The following TAF12 variants were observed in gnomAD, a reference collection of about 807,000 sequenced individuals.
TAF12 encodes the protein TATA-box binding protein associated factor 12, also known as transcription initiation factor TFIID subunit 12.
Under a neutral mutation model 20.8 loss-of-function variants are expected in TAF12, and 3 were observed. That is an observed-to-expected ratio of 0.14 (90% CI 0.07 to 0.37). The LOEUF (loss-of-function observed/expected upper bound fraction) is 0.37. Ranked by LOEUF, TAF12 falls within the 10% of genes least tolerant of loss-of-function variation. The pLI, the probability that TAF12 is intolerant of heterozygous loss-of-function variation, is 1.00. For synonymous variants in TAF12, 69 were observed against 70.2 expected (o/e 0.98, Z 0.09); for missense variants, 131 against 197.9 (o/e 0.66, Z 2.03).
chr1:28,605,752 A>C (rs941261422), intron 4 of TAF12, among the ~76,000 whole-genome samples: 15 of 152,188 alleles, frequency 9.9e-5, no homozygotes, highest in African/African-American at 3.6e-4. Flanking sequence ...TGGCCTCCCA[A>C]GTAGCTGGGA....
chr1:28,644,295 A>G (rs972239229), upstream of TAF12, among the ~76,000 whole-genome samples: 3 of 152,032 alleles, frequency 2.0e-5, no homozygotes, highest in Non-Finnish European at 4.4e-5. Flanking sequence ...TCATCCTACC[A>G]CGTTCCCAGT....
chr1:28,645,548 T>C (rs997291844), upstream of TAF12, among the ~76,000 whole-genome samples: 1 of 151,874 alleles, frequency 6.6e-6, no homozygotes, highest in Non-Finnish European at 1.5e-5. Flanking sequence ...CTCAGGAGGC[T>C]GCGGAAGGAG....
At chr1:28,630,661 T>C (rs911588192) in intron 1 of TAF12, among the ~76,000 whole-genome samples, 4 of 151,974 alleles carry the variant, frequency 2.6e-5, no homozygotes, top group African/African-American at 9.7e-5. Flanking sequence ...AGTTCTTAGA[T>C]ACAATATCAA....
Position 28,640,063 on chromosome 1 carries a change from G to A in TAF12, c.-85+2929C>T, listed in dbSNP as rs533896309. Among the ~76,000 whole-genome samples, 5 of 152,194 alleles carry A rather than the reference G, an allele frequency of 3.3e-5. No homozygotes were observed. In the East Asian group the frequency reaches 7.7e-4, roughly 24 times the overall value. On this transcript the variant is annotated intron_variant, in intron 1 of 5. Coordinates refer to ENST00000373824, the MANE Select transcript of TAF12 (RefSeq NM_005644.4). ...TTGCCATGTTGGCCAGGCGGGTCTC[G>A]AACTCCTGATCTCAGGTGACCCGCC...
intron 4 of TAF12, among the ~76,000 whole-genome samples, chr1:28,605,906 T>C (rs971114679): frequency 3.3e-5 from 5 of 152,222 alleles, no homozygotes; most frequent in African/African-American, 4.8e-5. Context: ...ACATTGAATA[T>C]GCCACAGGCT....
chr1:28,613,195 G>T, intron 4 of TAF12, 52 bp downstream of exon 4: 2 of 1,486,384 alleles, frequency 1.3e-6, no homozygotes, highest in Non-Finnish European at 9.2e-7. Flanking sequence ...TTCCCTGGCA[G>T]TCCTGAAGAA....
chr1:28,612,782 G>GA lies in TAF12; in HGVS notation c.361+464dup, dbSNP rs551826635. 2.8e-3 allele frequency among the ~76,000 whole-genome samples: 422 copies of GA among 151,906 alleles called. 1 individual carries two copies. Among genetic ancestry groups the GA allele is most frequent in the African/African-American group, 9.9e-3 (409 of 41,432 alleles). ...ATGTATATTACGATTATAAACTTTGGAAAAAATGCATAAATAGGCTAAAAC... is the reference window on the plus strand; with the variant it reads ...ATGTATATTACGATTATAAACTTTGGAAAAAAATGCATAAATAGGCTAAAAC... On this transcript the variant is annotated intron_variant, in intron 4 of 5. Transcript: ENST00000373824.
chr1:28,628,490 T>C (rs1221774434), intron 1 of TAF12, among the ~76,000 whole-genome samples: 8 of 152,014 alleles, frequency 5.3e-5, no homozygotes, highest in African/African-American at 1.9e-4. Flanking sequence ...GGCCAGGGCA[T>C]GTAGGAGAGG....
chr1:28,603,310 T>C lies in TAF12; in HGVS notation c.*229A>G, dbSNP rs376739066. 4.0e-5 allele frequency: 22 copies of C among 547,290 alleles called. No individual in the cohort carries two copies. Among genetic ancestry groups the C allele is most frequent in the East Asian group, 1.1e-4 (4 of 34,892 alleles). The allele number at this position is 547,290 out of a possible 1,614,324, so 33.9% of individuals were successfully genotyped here. A position where few individuals can be genotyped will look rare whatever the true frequency, so the allele number is the denominator to read the frequency against. ...CACAAATAAAATCTTCTCTGGAAGA[T>C]ACATTGCTCCTCTTTGAGATGGCAG... On this transcript the variant is annotated 3_prime_UTR_variant, in exon 6 of 6. Transcript: ENST00000373824.
In TAF12 at chr1:28,603,479, G is replaced by A. The variant is rs906320624; in HGVS notation, c.*60C>T. ...AAAAAAATCCAAGGATGAGATGGCT[G>A]AGTTCTCAGCTCAAGTATCTCCAAA... On this transcript the variant is annotated 3_prime_UTR_variant, in exon 6 of 6. Coordinates refer to ENST00000373824, the MANE Select transcript of TAF12 (RefSeq NM_005644.4). 7 of 1,575,128 alleles carry A rather than the reference G, an allele frequency of 4.4e-6. No homozygotes were observed. The African/African-American group carries it at 9.5e-5, about 21-fold the overall frequency.
At chr1:28,636,932 T>C (rs1667847770) in intron 1 of TAF12, among the ~76,000 whole-genome samples, 1 of 152,204 alleles carries the variant, frequency 6.6e-6, no homozygotes, top group Non-Finnish European at 1.5e-5. Context: ...GTGATAGGCC[T>C]GTGGCTAGCC....
chr1:28,616,487 C>T (rs2124322763), intron 3 of TAF12, among the ~76,000 whole-genome samples: 1 of 151,622 alleles, frequency 6.6e-6, no homozygotes, highest in African/African-American at 2.4e-5. Flanking sequence ...AATCCCAGCA[C>T]TTTGGGAGGC....
At chr1:28,642,920 A>G (rs1375737621) in intron 1 of TAF12, 72 bp downstream of exon 1, 2 of 985,936 alleles carry the variant, frequency 2.0e-6, no homozygotes, top group Admixed American at 6.2e-5. Context: ...TCGAACACTG[A>G]CCCACTGTAG....
chr1:28,646,129 C>T (rs1021173757), upstream of TAF12: 1 of 151,992 alleles, frequency 6.6e-6, no homozygotes, highest in African/African-American at 2.4e-5. Flanking sequence ...AAAAATTAGC[C>T]TCAGCATGGT....
chr1:28,620,627 G>A (rs1035871337), intron 2 of TAF12, among the ~76,000 whole-genome samples: 2 of 150,150 alleles, frequency 1.3e-5, no homozygotes, highest in East Asian at 2.0e-4. Flanking sequence ...TAGTAGAGAC[G>A]GGGTTTCACC....
intron 4 of TAF12, among the ~76,000 whole-genome samples, chr1:28,612,325 C>T (rs1012973463): frequency 9.9e-5 from 15 of 151,666 alleles, no homozygotes; most frequent in African/African-American, 3.6e-4. Flanking sequence ...TGGTGCAGGC[C>T]TGTAGTCCCA....
At chr1:28,617,862 G>A (rs1225730954) in intron 3 of TAF12, 91 bp downstream of exon 3, 3 of 1,239,676 alleles carry the variant, frequency 2.4e-6, no homozygotes, top group East Asian at 4.7e-5. Flanking sequence ...CAAAAGGCAT[G>A]AGCCACTGCA....
At chr1:28,609,424 G>C (rs1441914180) in intron 4 of TAF12, among the ~76,000 whole-genome samples, 1 of 151,804 alleles carries the variant, frequency 6.6e-6, no homozygotes, top group Non-Finnish European at 1.5e-5. Flanking sequence ...TGAATGAAAT[G>C]TAGTAAATGC....
rs184165878 is a variant in TAF12 at position 28,627,380 on chromosome 1, T to C, written c.-84-5215A>G. ...TCCAGCCTGGGTAACAGAGTGAGAC[T>C]CCGTCTCAAAGAAAAAAAAAAAAAA... On this transcript the variant is annotated intron_variant, in intron 1 of 5. Transcript: ENST00000373824. Among the ~76,000 whole-genome samples the C allele has an allele frequency of 6.0e-3, 612 of 101,298 alleles. 2 individuals carry two copies. In the Middle Eastern group the frequency reaches 0.12, roughly 20 times the overall value. The allele number at this position is 101,298 out of a possible 152,430, so 66.5% of individuals were successfully genotyped here. A position where few individuals can be genotyped will look rare whatever the true frequency, so the allele number is the denominator to read the frequency against.
Sources: gnomAD v4.1 joint callset for allele counts (sites outside exome capture counted in the v4.1 genomes callset) on GRCh38, gnomAD v4.1.1 for gene constraint, MANE v1.5 for transcripts, NCBI Gene and HGNC (gene_info 2026-07-23, HGNC 2026-07-21) for gene names.